The following PGBD5 variants were observed in gnomAD, a reference collection of about 807,000 sequenced individuals.
The protein encoded by PGBD5 is piggyBac transposable element derived 5, also known as piggyBac transposable element-derived protein 5.
A neutral mutation model predicts 47.9 loss-of-function variants in PGBD5; 14 were observed. The observed-to-expected ratio is 0.29, with a 90% CI of 0.19 to 0.46. PGBD5 has a LOEUF of 0.46. PGBD5 is among the 20% of genes least tolerant of loss of function. PGBD5 has a pLI of 1.00. For synonymous variants in PGBD5, 316 were observed against 306.3 expected, an observed-to-expected ratio of 1.03 and a Z score of -0.33; for missense variants, 635 against 716.0, an observed-to-expected ratio of 0.89 and a Z score of 1.29.
chr1:230,365,385 A>AG (rs1667811414), intron 1 of PGBD5, among the ~76,000 whole-genome samples: 2 of 152,144 alleles, frequency 1.3e-5, no homozygotes, highest in South Asian at 4.1e-4. Context: ...AGGTCACATG[A>AG]CAAAGGGCTG....
chr1:230,426,010 G>GCCGCCCC lies in PGBD5; in HGVS notation c.-89_-83dup. On this transcript the variant is annotated 5_prime_UTR_variant, in exon 1 of 7. Transcript: ENST00000391860. The stretch of plus-strand genomic sequence containing the variant: ...GGGCCCTGGGCCCGCGCCGCGGCCC[G>GCCGCCCC]CCGCCCCCCACCAGCGCAGCCCGCA... 1 of 675,570 alleles carries GCCGCCCC rather than the reference G, an allele frequency of 1.5e-6. No homozygotes were observed. The highest frequency in any genetic ancestry group is 1.4e-4 in the East Asian group (1 of 6,902). 41.8% of individuals were successfully genotyped at this position (675,570 alleles called of 1,614,324 possible).
chr1:230,362,489 G>C, intron 1 of PGBD5: 1 of 1,182,974 alleles, frequency 8.5e-7, no homozygotes, highest in South Asian at 1.6e-5. Flanking sequence ...AGCCCTCCTG[G>C]GGCTCCAGCT....
intron 3 of PGBD5, among the ~76,000 whole-genome samples, chr1:230,339,650 C>T (rs1238410687): frequency 5.6e-5 from 7 of 125,736 alleles, no homozygotes; most frequent in Non-Finnish European, 1.1e-4. Flanking sequence ...GTGGCATATA[C>T]ACAAGATGAA....
intron 1 of PGBD5, among the ~76,000 whole-genome samples, chr1:230,406,057 C>T (rs554843794): frequency 6.6e-6 from 1 of 152,162 alleles, no homozygotes; most frequent in Middle Eastern, 3.4e-3. Flanking sequence ...GCCTGTAATC[C>T]CAATACTTTG....
At chr1:230,379,675 T>C (rs1668063195) in intron 1 of PGBD5, among the ~76,000 whole-genome samples, 1 of 152,248 alleles carries the variant, frequency 6.6e-6, no homozygotes, top group African/African-American at 2.4e-5. Context: ...CCAGCTCAAC[T>C]AGCCTGTTGG....
chr1:230,345,418 TG>T (rs962243299), intron 3 of PGBD5, among the ~76,000 whole-genome samples: 1 of 152,228 alleles, frequency 6.6e-6, no homozygotes, highest in African/African-American at 2.4e-5. Flanking sequence ...TTCTCCTCCT[TG>T]GCTCACAGGG....
chr1:230,387,650 A>G (rs1399261434), intron 1 of PGBD5, among the ~76,000 whole-genome samples: 1 of 152,200 alleles, frequency 6.6e-6, no homozygotes, highest in African/African-American at 2.4e-5. Flanking sequence ...CAGAGAGGCC[A>G]TGGCTTGTAG....
intron 1 of PGBD5, among the ~76,000 whole-genome samples, chr1:230,402,985 T>C (rs114881627): frequency 2.6e-5 from 4 of 152,312 alleles, no homozygotes; most frequent in African/African-American, 9.6e-5. Context: ...CAAGCCTTTG[T>C]GAACCGCACA....
In PGBD5 at chr1:230,357,252, A is replaced by T. The variant is rs1281151431; in HGVS notation, c.401T>A (p.Val134Asp). ...DFFQLFVPDN[V>D]LKNMVVQTNM... ...TGTCTGCACCACCATGTTCTTGAGG[A>T]CGTTGTCTGGGACAAAGAGCTGGAA... Residue 134 changes from valine to aspartate, a missense_variant, in exon 2 of 7, where the codon GTC (valine) becomes GAC (aspartate). Physicochemically the swap from Val to Asp is radical, Grantham distance 152 (BLOSUM62 -3). Transcript: ENST00000391860. This position sits in a 1 kb window ranked among gnomAD's most constrained non-coding sequence, Gnocchi z 5.7. 6.2e-7 allele frequency: 1 copy of T among 1,614,122 alleles called. No homozygotes were observed.
chr1:230,384,463 G>A (rs933360496), intron 1 of PGBD5, among the ~76,000 whole-genome samples: 3 of 152,126 alleles, frequency 2.0e-5, no homozygotes, highest in Non-Finnish European at 2.9e-5. Context: ...GAAGCTGAAC[G>A]AGGTGTCCTT....
intron 1 of PGBD5, among the ~76,000 whole-genome samples, chr1:230,374,858 A>G (rs1322150866): frequency 6.6e-6 from 1 of 152,176 alleles, no homozygotes; most frequent in Non-Finnish European, 1.5e-5. Context: ...TACTCCTTAA[A>G]CAACATTTAG....
chr1:230,352,520 CA>C (rs1667574639), intron 2 of PGBD5, among the ~76,000 whole-genome samples: 1 of 152,086 alleles, frequency 6.6e-6, no homozygotes, highest in Non-Finnish European at 1.5e-5. Flanking sequence ...AAATTGAATG[CA>C]AGGTTACCGT....
Position 230,326,792 on chromosome 1 carries a change from CAGA to C in PGBD5, c.1274-1380_1274-1378del, listed in dbSNP as rs746800191. ...GCGCAGCCAAAAGGAATTAGAGGCT[CAGA>C]AGAAGGAGGAGGTTGTCCTTTTCAA... On this transcript the variant is annotated intron_variant, in intron 5 of 6. Transcript: ENST00000391860. Among the ~76,000 whole-genome samples, 260 of 152,290 alleles carry C rather than the reference CAGA, an allele frequency of 1.7e-3. 1 individual carries two copies. The highest frequency in any genetic ancestry group is 3.1e-3 in the Non-Finnish European group (214 of 68,014).
At chr1:230,340,382 A>G (rs903078766) in intron 3 of PGBD5, among the ~76,000 whole-genome samples, 1 of 152,296 alleles carries the variant, frequency 6.6e-6, no homozygotes. Flanking sequence ...TCATGTAGAA[A>G]AAGTGTTTAA....
At chr1:230,381,148 G>A (rs1656479520) in intron 1 of PGBD5, among the ~76,000 whole-genome samples, 1 of 152,256 alleles carries the variant, frequency 6.6e-6, no homozygotes, top group South Asian at 2.1e-4. Context: ...TAAGGAAACT[G>A]AAAGCCAAAC....
intron 1 of PGBD5, among the ~76,000 whole-genome samples, chr1:230,382,942 C>CTT (rs1656548831): frequency 6.6e-6 from 1 of 152,086 alleles, no homozygotes; most frequent in Admixed American, 6.6e-5. Flanking sequence ...TGCAGGCTCT[C>CTT]TATTTAAAAC....
Position 230,322,891 on chromosome 1 carries a change from GTCT to G in PGBD5, c.*531_*533del, listed in dbSNP as rs1203134493. The G allele has an allele frequency of 6.5e-6, 1 of 154,764 alleles. No homozygotes were observed. The highest frequency in any genetic ancestry group is 1.4e-5 in the Non-Finnish European group (1 of 69,388). 9.6% of individuals were successfully genotyped at this position (154,764 alleles called of 1,614,324 possible). On this transcript the variant is annotated 3_prime_UTR_variant, in exon 7 of 7. Coordinates refer to ENST00000391860, the MANE Select transcript of PGBD5 (RefSeq NM_001258311.2). This position sits in a 1 kb window ranked among gnomAD's most constrained non-coding sequence, Gnocchi z 5.9. ...TCACCACTGTACACCCAGGATGTGT[GTCT>G]TCTTCTAAGAGACCGGTTCAAAGGT...
At chr1:230,374,200 T>C (rs543219174) in intron 1 of PGBD5, among the ~76,000 whole-genome samples, 1 of 152,204 alleles carries the variant, frequency 6.6e-6, no homozygotes, top group Non-Finnish European at 1.5e-5. Flanking sequence ...GGGTGGATCA[T>C]GAGGTCAGGA....
At chr1:230,359,118 C>T (rs1031727646) in intron 1 of PGBD5, among the ~76,000 whole-genome samples, 1 of 151,692 alleles carries the variant, frequency 6.6e-6, no homozygotes, top group East Asian at 1.9e-4. Flanking sequence ...CTAGAGTGCA[C>T]TGGTGCAATC....
Sources: allele counts gnomAD v4.1 joint callset (sites outside exome capture counted in the v4.1 genomes callset), GRCh38; gene constraint gnomAD v4.1.1; non-coding constraint Gnocchi (gnomAD v3.1); transcripts MANE v1.5; gene names NCBI Gene and HGNC (gene_info 2026-07-23, HGNC 2026-07-21).